CACNG2: variants seen among roughly 807,000 people sequenced by gnomAD.
The protein encoded by CACNG2 is voltage-dependent calcium channel gamma-2 subunit.
Under a neutral mutation model 25.9 loss-of-function variants are expected in CACNG2, and 3 were observed. The observed-to-expected ratio is 0.12, with a 90% confidence interval of 0.05 to 0.30. CACNG2 has a LOEUF of 0.30. Ranked by LOEUF, CACNG2 falls within the 10% of genes least tolerant of loss-of-function variation. The pLI is 1.00. For synonymous variants in CACNG2, 167 were observed against 173.3 expected (o/e 0.96, Z 0.29); for missense variants, 341 against 432.5 (o/e 0.79, Z 1.88).
At chr22:36,640,581 C>T (rs1936428577) in intron 1 of CACNG2, among the ~76,000 whole-genome samples, 2 of 152,220 alleles carry the variant, frequency 1.3e-5, no homozygotes, top group Admixed American at 6.5e-5. Flanking sequence ...TCTCGGTTTC[C>T]TCACCTGCAG....
At chr22:36,632,053 G>A (rs1000187961) in intron 1 of CACNG2, among the ~76,000 whole-genome samples, 4 of 152,182 alleles carry the variant, frequency 2.6e-5, no homozygotes, top group African/African-American at 9.7e-5. Context: ...GCCACACTGT[G>A]TGGTCATGTA....
Position 36,564,967 on chromosome 22 carries a change from A to G in CACNG2, c.437-81T>C. 7.5e-7 allele frequency: 1 copy of G among 1,325,718 alleles called. No individual in the cohort carries two copies. The highest frequency in any genetic ancestry group is 1.1e-6 in the Non-Finnish European group (1 of 933,012). 82.1% of individuals were successfully genotyped at this position (1,325,718 alleles called of 1,614,324 possible). A position where few individuals can be genotyped will look rare whatever the true frequency, so the allele number is the denominator to read the frequency against. ...AGGAAGTCGGCCACAGGGCAGCCGT[A>G]AAGGACGGGGACAGCTGTGTGGGCC... On this transcript the variant is annotated intron_variant, in intron 3 of 3. Coordinates refer to ENST00000300105, the MANE Select transcript of CACNG2 (RefSeq NM_006078.5). The surrounding 1 kb of genome is among the most constrained non-coding windows in gnomAD (Gnocchi z 6.7).
In CACNG2 at chr22:36,702,757, A is replaced by T; in HGVS notation, c.-181T>A. The stretch of plus-strand genomic sequence containing the variant: ...TAAAAAAAGGGAGGTAAGAAAGCTC[A>T]CGGAAAAGAGTGTAAATTATAAAGA... On this transcript the variant is annotated 5_prime_UTR_variant, in exon 1 of 4. Transcript: ENST00000300105. 1.7e-6 allele frequency: 1 copy of T among 577,410 alleles called. No homozygotes were observed. Among genetic ancestry groups the T allele is most frequent in the Non-Finnish European group, 3.0e-6 (1 of 329,214 alleles). 35.8% of individuals were successfully genotyped at this position (577,410 alleles called of 1,614,324 possible). A position where few individuals can be genotyped will look rare whatever the true frequency, so the allele number is the denominator to read the frequency against.
chr22:36,631,007 T>A (rs1281396595), intron 1 of CACNG2, among the ~76,000 whole-genome samples: 1 of 152,114 alleles, frequency 6.6e-6, no homozygotes, highest in East Asian at 1.9e-4. Flanking sequence ...ATTTTTGTAT[T>A]TTTAGTAGAG....
chr22:36,623,052 T>C lies in CACNG2; in HGVS notation c.212-35504A>G, dbSNP rs546231444. On this transcript the variant is annotated intron_variant, in intron 1 of 3. Transcript: ENST00000300105. Reference sequence around the variant, plus strand: ...TTTTTTTTTTGAGACAGGATCTCTCTCTCTCTCTCCCAGGCTGGAGTGCAG... The same window carrying C: ...TTTTTTTTTTGAGACAGGATCTCTCCCTCTCTCTCCCAGGCTGGAGTGCAG... Among the ~76,000 whole-genome samples the C allele has an allele frequency of 7.5e-4, 99 of 132,060 alleles. 1 individual carries two copies. Among genetic ancestry groups the C allele is most frequent in the African/African-American group, 2.6e-3 (92 of 34,904 alleles). The allele number at this position is 132,060 out of a possible 152,430, so 86.6% of individuals were successfully genotyped here.
rs1937431137 is a variant in CACNG2, at chr22:36,703,031, A to T, written c.-455T>A. The stretch of plus-strand genomic sequence containing the variant: ...CATTTCTCATGGTCGGGACCTAGAC[A>T]GTTAGAGACTGTGAGAGCCGAGATG... On this transcript the variant is annotated 5_prime_UTR_variant, in exon 1 of 4. Coordinates refer to ENST00000300105, the MANE Select transcript of CACNG2 (RefSeq NM_006078.5). The T allele has an allele frequency of 6.2e-6, 1 of 161,494 alleles. No individual in the cohort carries two copies. The highest frequency in any genetic ancestry group is 1.3e-5 in the Non-Finnish European group (1 of 74,656). The allele number at this position is 161,494 out of a possible 1,614,324, so 10.0% of individuals were successfully genotyped here.
At chr22:36,596,190 G>A (rs914211230) in intron 1 of CACNG2, among the ~76,000 whole-genome samples, 11 of 152,226 alleles carry the variant, frequency 7.2e-5, no homozygotes, top group African/African-American at 2.7e-4. Context: ...TTTAAGTGAA[G>A]CAAAGGAAGG....
At chr22:36,614,675 C>G (rs1334519535) in intron 1 of CACNG2, among the ~76,000 whole-genome samples, 1 of 152,040 alleles carries the variant, frequency 6.6e-6, no homozygotes, top group Non-Finnish European at 1.5e-5. Flanking sequence ...GTGGTGGGAG[C>G]AGCAAGTGGT....
chr22:36,643,060 C>T (rs1167388592), intron 1 of CACNG2, among the ~76,000 whole-genome samples: 1 of 139,078 alleles, frequency 7.2e-6, no homozygotes, highest in Non-Finnish European at 1.6e-5. Context: ...TTCTTTCTCT[C>T]TTTATCTTCT....
At chr22:36,682,491 C>A in intron 1 of CACNG2, among the ~76,000 whole-genome samples, 1 of 114,974 alleles carries the variant, frequency 8.7e-6, no homozygotes, top group East Asian at 3.3e-4. Flanking sequence ...ATTCCCCTCC[C>A]CCCACCCCAC....
At chr22:36,634,960 A>G (rs1202588090) in intron 1 of CACNG2, among the ~76,000 whole-genome samples, 1 of 152,202 alleles carries the variant, frequency 6.6e-6, no homozygotes, top group Non-Finnish European at 1.5e-5. Context: ...AGATATTGGA[A>G]GAAAGAAGTT....
chr22:36,608,134 G>A (rs1935872462), intron 1 of CACNG2, among the ~76,000 whole-genome samples: 1 of 152,148 alleles, frequency 6.6e-6, no homozygotes, highest in African/African-American at 2.4e-5. Flanking sequence ...CCTGTCACTG[G>A]AGGGGTACCA....
intron 1 of CACNG2, among the ~76,000 whole-genome samples, chr22:36,651,449 G>A (rs1045080101): frequency 1.3e-4 from 20 of 151,748 alleles, no homozygotes; most frequent in African/African-American, 4.4e-4. Context: ...GGCTGGTCTC[G>A]AACTCCTGAC....
intron 1 of CACNG2, among the ~76,000 whole-genome samples, chr22:36,621,702 T>C (rs1312335478): frequency 6.6e-6 from 1 of 152,178 alleles, no homozygotes; most frequent in East Asian, 1.9e-4. Context: ...ACAGGCACTG[T>C]AGCACATACT....
At chr22:36,684,224 A>G (rs1484523911) in intron 1 of CACNG2, among the ~76,000 whole-genome samples, 2 of 152,180 alleles carry the variant, frequency 1.3e-5, no homozygotes, top group African/African-American at 4.8e-5. Context: ...AAGTATTTTG[A>G]AGGCATGTTA....
At chr22:36,604,291 A>T (rs1444555944) in intron 1 of CACNG2, among the ~76,000 whole-genome samples, 3 of 152,228 alleles carry the variant, frequency 2.0e-5, no homozygotes, top group Admixed American at 2.0e-4. Flanking sequence ...CTTTTTATGG[A>T]TAAGCAAAGA....
chr22:36,660,972 G>A (rs7292957), intron 1 of CACNG2, among the ~76,000 whole-genome samples: 15,763 of 152,306 alleles, frequency 0.1, 2,709 homozygotes, highest in African/African-American at 0.36. Flanking sequence ...CCCAGCACAG[G>A]GCTTGGTGTA....
rs542839000 is a variant in CACNG2, at chr22:36,595,847, G to A, written c.212-8299C>T. ...GCCAGGCTGAGTGAGTTCAGGCCCC[G>A]CTGAGGCGGAAAGGCCAAGGGCTGT... On this transcript the variant is annotated intron_variant, in intron 1 of 3. Coordinates refer to ENST00000300105, the MANE Select transcript of CACNG2 (RefSeq NM_006078.5). 2.6e-5 allele frequency among the ~76,000 whole-genome samples: 4 copies of A among 152,352 alleles called. No homozygotes were observed. The South Asian group carries it at 8.3e-4, about 32-fold the overall frequency.
intron 2 of CACNG2, among the ~76,000 whole-genome samples, chr22:36,577,200 G>A (rs1603500577): frequency 6.6e-6 from 1 of 152,216 alleles, no homozygotes; most frequent in Non-Finnish European, 1.5e-5. Flanking sequence ...TCTGGTATGC[G>A]AGGAGCACCA....
Sources: allele counts gnomAD v4.1 joint callset (sites outside exome capture counted in the v4.1 genomes callset), GRCh38; gene constraint gnomAD v4.1.1; non-coding constraint Gnocchi (gnomAD v3.1); transcripts MANE v1.5; gene names NCBI Gene and HGNC (gene_info 2026-07-23, HGNC 2026-07-21).